Variants in MACROD2 observed in about 807,000 individuals in gnomAD.
MACROD2 encodes the protein mono-ADP ribosylhydrolase 2.
Under a neutral mutation model 70.4 loss-of-function variants are expected in MACROD2, and 36 were observed. That is an observed-to-expected ratio of 0.51 (90% CI 0.39 to 0.68). The LOEUF is 0.68. Among genes scored for constraint, MACROD2 ranks in the 30% least tolerant of loss-of-function variants. The probability of loss-of-function intolerance (pLI) is 0.00; values close to 1 mark genes in which losing one functional copy is unlikely to be tolerated. For missense variants in MACROD2, 496 were observed against 538.4 expected, an observed-to-expected ratio of 0.92 and a Z score of 0.78; for synonymous variants, 172 against 178.8, an observed-to-expected ratio of 0.96 and a Z score of 0.30.
chr20:14,579,120 T>C (rs560910651), intron 4 of MACROD2, among the ~76,000 whole-genome samples: 2 of 145,734 alleles, frequency 1.4e-5, no homozygotes, highest in African/African-American at 5.0e-5. Context: ...AGCAACTGTA[T>C]CCAATTCTTT....
At chr20:14,793,351 A>G (rs2072472476) in intron 5 of MACROD2, among the ~76,000 whole-genome samples, 1 of 152,072 alleles carries the variant, frequency 6.6e-6, no homozygotes, top group African/African-American at 2.4e-5. Context: ...AAAGGAGTGT[A>G]CATTTTGTTG....
chr20:15,944,374 T>G (rs1485587473), intron 12 of MACROD2, among the ~76,000 whole-genome samples: 1 of 152,120 alleles, frequency 6.6e-6, no homozygotes, highest in Non-Finnish European at 1.5e-5. Context: ...ATATATAAAC[T>G]CTCAATGTTT....
At chr20:15,815,205 A>T (rs1194168314) in intron 8 of MACROD2, among the ~76,000 whole-genome samples, 1 of 152,174 alleles carries the variant, frequency 6.6e-6, no homozygotes, top group Non-Finnish European at 1.5e-5. Flanking sequence ...AATATGAGAG[A>T]GGAAGATTTT....
intron 7 of MACROD2, among the ~76,000 whole-genome samples, chr20:15,489,198 C>T (rs534925505): frequency 9.9e-5 from 15 of 152,274 alleles, no homozygotes; most frequent in Admixed American, 5.2e-4. Flanking sequence ...GTATCATTTG[C>T]TTTGGCACAC....
intron 6 of MACROD2, among the ~76,000 whole-genome samples, chr20:15,320,244 G>A (rs2077860126): frequency 6.6e-6 from 1 of 152,072 alleles, no homozygotes; most frequent in African/African-American, 2.4e-5. Flanking sequence ...CAGGGGTTTA[G>A]AGGAGGGGGA....
chr20:15,418,451 G>A (rs1264824738), intron 6 of MACROD2, among the ~76,000 whole-genome samples: 2 of 152,158 alleles, frequency 1.3e-5, no homozygotes, highest in Non-Finnish European at 2.9e-5. Context: ...CATAGCACCT[G>A]GCCCATAGGT....
rs1309399745 is a variant in MACROD2 at position 15,585,211 on chromosome 20, T to C, written c.645+85364T>C. 4.0e-5 allele frequency among the ~76,000 whole-genome samples: 6 copies of C among 151,450 alleles called. 1 individual carries two copies. The South Asian group carries it at 1.0e-3, about 26-fold the overall frequency. ...TCTTCTTCTTTTTTTTCTTTTTTTT[T>C]TTTTTAGATGGAGTCTCGCTCTGTC... On this transcript the variant is annotated intron_variant, in intron 8 of 17. Coordinates refer to ENST00000684519, the MANE Select transcript of MACROD2 (RefSeq NM_001351661.2).
At chr20:15,133,423 A>G (rs887724130) in intron 5 of MACROD2, among the ~76,000 whole-genome samples, 1 of 152,188 alleles carries the variant, frequency 6.6e-6, no homozygotes, top group Non-Finnish European at 1.5e-5. Flanking sequence ...AATTGTTGGT[A>G]AGTCTCATAC....
intron 5 of MACROD2, among the ~76,000 whole-genome samples, chr20:14,952,224 C>T (rs2074481757): frequency 6.6e-6 from 1 of 152,134 alleles, no homozygotes; most frequent in South Asian, 2.1e-4. Flanking sequence ...TCCTGGTTCC[C>T]ACCCCTTGCT....
chr20:15,813,622 A>G, intron 8 of MACROD2, among the ~76,000 whole-genome samples: 1 of 151,946 alleles, frequency 6.6e-6, no homozygotes, highest in Non-Finnish European at 1.5e-5. Flanking sequence ...TATAAAAAAT[A>G]TTAAAAATTA....
At chr20:14,205,984 G>A (rs1375909454) in intron 3 of MACROD2, among the ~76,000 whole-genome samples, 1 of 152,148 alleles carries the variant, frequency 6.6e-6, no homozygotes, top group Non-Finnish European at 1.5e-5. Flanking sequence ...GTGCTTATAG[G>A]AGTAACTAGG....
chr20:15,201,275 T>C (rs562876642), intron 5 of MACROD2, among the ~76,000 whole-genome samples: 7 of 152,118 alleles, frequency 4.6e-5, no homozygotes, highest in Non-Finnish European at 8.8e-5. Flanking sequence ...AGCCAAATGA[T>C]GAGTGCCCCC....
chr20:15,981,310 G>GT (rs934859364), intron 13 of MACROD2, among the ~76,000 whole-genome samples: 1 of 152,122 alleles, frequency 6.6e-6, no homozygotes, highest in Non-Finnish European at 1.5e-5. Context: ...CCATGTAACT[G>GT]TTTTTTGCGG....
chr20:14,573,533 A>G (rs915168045), intron 4 of MACROD2, among the ~76,000 whole-genome samples: 1 of 152,178 alleles, frequency 6.6e-6, no homozygotes, highest in African/African-American at 2.4e-5. Flanking sequence ...TGAGTTTAAA[A>G]TATTATGGAT....
At chr20:14,522,564 G>C (rs1304628091) in intron 4 of MACROD2, among the ~76,000 whole-genome samples, 2 of 152,216 alleles carry the variant, frequency 1.3e-5, no homozygotes, top group Non-Finnish European at 2.9e-5. Flanking sequence ...CCTTTGGCCT[G>C]TACTGCACAG....
At chr20:15,268,637 A>G (rs970165765) in intron 6 of MACROD2, among the ~76,000 whole-genome samples, 1 of 152,228 alleles carries the variant, frequency 6.6e-6, no homozygotes, top group African/African-American at 2.4e-5. Context: ...TGGGTGACAG[A>G]GCGAGACTCA....
At chr20:14,973,377 C>A (rs1220014009) in intron 5 of MACROD2, among the ~76,000 whole-genome samples, 1 of 151,810 alleles carries the variant, frequency 6.6e-6, no homozygotes, top group African/African-American at 2.4e-5. Flanking sequence ...AGCGTGCCTC[C>A]ACACCTGGCT....
At chr20:15,825,187 C>T (rs1448355452) in intron 8 of MACROD2, among the ~76,000 whole-genome samples, 2 of 152,180 alleles carry the variant, frequency 1.3e-5, no homozygotes, top group Non-Finnish European at 2.9e-5. Flanking sequence ...AAGGTGGCAT[C>T]TCTTTCCTTT....
chr20:14,454,361 C>A (rs1244523895), intron 3 of MACROD2, among the ~76,000 whole-genome samples: 1 of 151,032 alleles, frequency 6.6e-6, no homozygotes, highest in African/African-American at 2.4e-5. Flanking sequence ...TTATTTTTAA[C>A]ATTCAATAGC....
Sources: allele counts gnomAD v4.1 joint callset (sites outside exome capture counted in the v4.1 genomes callset), GRCh38; gene constraint gnomAD v4.1.1; transcripts MANE v1.5; gene names NCBI Gene and HGNC (gene_info 2026-07-23, HGNC 2026-07-21).